Variants in TCEA3 observed in about 807,000 individuals in gnomAD.
The protein encoded by TCEA3 is transcription elongation factor A3.
Under a neutral mutation model 44.0 loss-of-function variants are expected in TCEA3, and 36 were observed. The observed-to-expected ratio is 0.82, with a 90% CI of 0.63 to 1.08. TCEA3 has a LOEUF of 1.08. TCEA3 is among the 50% of genes least tolerant of loss of function. The pLI, the probability that TCEA3 is intolerant of heterozygous loss-of-function variation, is 0.00. For synonymous variants in TCEA3, 162 were observed against 159.7 expected, an observed-to-expected ratio of 1.01 and a Z score of -0.11; for missense variants, 392 against 441.2, an observed-to-expected ratio of 0.89 and a Z score of 1.00.
chr1:23,408,419 G>A, intron 5 of TCEA3: 1 of 429,746 alleles, frequency 2.3e-6, no homozygotes, highest in Non-Finnish European at 4.2e-6. Context: ...ATGGATGAAT[G>A]AATAAATGAA....
At position 23,417,229 on chromosome 1, in the gene TCEA3, TCCATC is replaced by T. The variant is rs753124425; in HGVS notation, c.380+15_380+19del. 1.9e-5 allele frequency: 31 copies of T among 1,611,484 alleles called. No individual in the cohort carries two copies. The highest frequency in any genetic ancestry group is 2.5e-5 in the Non-Finnish European group (30 of 1,179,236). On this transcript the variant is annotated intron_variant, in intron 4 of 10. Coordinates refer to ENST00000450454, the MANE Select transcript of TCEA3 (RefSeq NM_003196.3). ...CGTGACAAGTGTCAGCTCCCTTCTCTCCATCCCAAAAAAGAATACCTGGTTTTGGG... is the reference window on the plus strand; with the variant it reads ...CGTGACAAGTGTCAGCTCCCTTCTCTCCAAAAAAGAATACCTGGTTTTGGG...
chr1:23,388,905 T>C, intron 8 of TCEA3, among the ~76,000 whole-genome samples: 1 of 152,062 alleles, frequency 6.6e-6, no homozygotes, highest in East Asian at 1.9e-4. Context: ...CCTAGGCTGG[T>C]CTCCTGAGCT....
intron 1 of TCEA3, among the ~76,000 whole-genome samples, chr1:23,422,138 A>G (rs1008122908): frequency 1.6e-4 from 25 of 152,196 alleles, no homozygotes; most frequent in African/African-American, 5.8e-4. Flanking sequence ...ATCTGAATGT[A>G]TAAATGTGGC....
At chr1:23,420,113 T>C (rs1230797823) in intron 1 of TCEA3, among the ~76,000 whole-genome samples, 3 of 152,224 alleles carry the variant, frequency 2.0e-5, no homozygotes, top group African/African-American at 7.2e-5. Flanking sequence ...GTAAAGAGTA[T>C]GTAGGGCAAA....
chr1:23,412,663 G>A (rs1297739405), intron 4 of TCEA3, among the ~76,000 whole-genome samples: 6 of 151,696 alleles, frequency 4.0e-5, no homozygotes, highest in African/African-American at 7.3e-5. Context: ...AGCTGAGATC[G>A]TGCCATTGCA....
intron 8 of TCEA3, among the ~76,000 whole-genome samples, chr1:23,389,378 A>G (rs900322793): frequency 1.3e-5 from 2 of 151,972 alleles, no homozygotes; most frequent in African/African-American, 4.8e-5. Flanking sequence ...AATCCCAGCT[A>G]CTTGGAAGGC....
intron 9 of TCEA3, among the ~76,000 whole-genome samples, chr1:23,385,097 C>T (rs1254998782): frequency 2.6e-5 from 4 of 152,318 alleles, no homozygotes; most frequent in Non-Finnish European, 5.9e-5. Flanking sequence ...TTCTCATCCT[C>T]TTAGCCTCAT....
At chr1:23,399,164 A>ATATAT (rs1553167323) in intron 5 of TCEA3, among the ~76,000 whole-genome samples, 4 of 127,580 alleles carry the variant, frequency 3.1e-5, no homozygotes, top group African/African-American at 1.2e-4. Flanking sequence ...ATATATATAT[A>ATATAT]TATATATATA....
intron 5 of TCEA3, among the ~76,000 whole-genome samples, chr1:23,400,426 C>T (rs1346161587): frequency 6.9e-6 from 1 of 143,978 alleles, no homozygotes; most frequent in East Asian, 2.1e-4. Flanking sequence ...TCAGGCTGGA[C>T]TCAAACTCCT....
intron 4 of TCEA3, 52 bp downstream of exon 4, chr1:23,417,197 C>A: frequency 6.3e-7 from 1 of 1,590,502 alleles, no homozygotes; most frequent in South Asian, 1.1e-5. Flanking sequence ...GAGTTGCTGT[C>A]AGAGGACGTG....
At position 23,384,824 on chromosome 1, in the gene TCEA3, G is replaced by A. The variant is rs557058999; in HGVS notation, c.967-407C>T. 1.1e-4 allele frequency among the ~76,000 whole-genome samples: 17 copies of A among 151,898 alleles called. No individual in the cohort carries two copies. The South Asian group carries it at 3.3e-3, about 30-fold the overall frequency. On this transcript the variant is annotated intron_variant, in intron 9 of 10. Coordinates refer to ENST00000450454, the MANE Select transcript of TCEA3 (RefSeq NM_003196.3). ...TGGGATTACAGGCGCCCGCCACCAC[G>A]CCCGGCTAATTTGGACTTTCACTCT...
chr1:23,417,517 C>G, intron 3 of TCEA3, 127 bp from the exon 4 acceptor site: 1 of 1,390,072 alleles, frequency 7.2e-7, no homozygotes, highest in Non-Finnish European at 9.6e-7. Flanking sequence ...AACACACACA[C>G]AAACACATTT....
At chr1:23,420,677 G>A (rs769626516) in intron 1 of TCEA3, among the ~76,000 whole-genome samples, 2 of 152,114 alleles carry the variant, frequency 1.3e-5, no homozygotes, top group African/African-American at 2.4e-5. Context: ...AACTTCTCTC[G>A]GGTAAAGAGA....
rs1183089616 is a variant in TCEA3 at position 23,417,945 on chromosome 1, G to C, written c.197C>G (p.Ser66Cys). 4 of 1,613,930 alleles carry C rather than the reference G, an allele frequency of 2.5e-6. No homozygotes were observed. Among genetic ancestry groups the C allele is most frequent in the Non-Finnish European group, 3.4e-6 (4 of 1,179,906 alleles). ...RKHCSDKEVV[S>C]LAKVLIKNWK... ...GTTTTTGATAAGGACTTTGGCCAAG[G>C]ACACCACCTCCTTGTCTGAGCAGTG... Residue 66 changes from serine to cysteine, a missense_variant, in exon 3 of 11, where the codon TCC becomes TGC. Physicochemically the swap from Ser to Cys is moderately radical, Grantham distance 112 (BLOSUM62 -1). Transcript: ENST00000450454.
chr1:23,414,245 C>T (rs1482961662), intron 4 of TCEA3, among the ~76,000 whole-genome samples: 5 of 152,110 alleles, frequency 3.3e-5, no homozygotes, highest in African/African-American at 7.2e-5. Context: ...GCATGTACCA[C>T]CATGCCCAGC....
At chr1:23,396,615 T>C (rs886246589) in intron 7 of TCEA3, among the ~76,000 whole-genome samples, 2 of 152,130 alleles carry the variant, frequency 1.3e-5, no homozygotes, top group Admixed American at 1.3e-4. Context: ...ATGGGAACAG[T>C]CCCTGCCTCA....
At position 23,382,997 on chromosome 1, in the gene TCEA3, A is replaced by T. The variant is rs574510130; in HGVS notation, c.1038+1349T>A. ...GGTCCTTAGTAAGAAAAATAATTAG[A>T]GGCCGGGCGCGGCGGCTCACGCCTG... On this transcript the variant is annotated intron_variant, in intron 10 of 10. Coordinates refer to ENST00000450454, the MANE Select transcript of TCEA3 (RefSeq NM_003196.3). 9.4e-4 allele frequency among the ~76,000 whole-genome samples: 143 copies of T among 152,328 alleles called. 1 individual carries two copies. The highest frequency in any genetic ancestry group is 3.1e-3 in the African/African-American group (128 of 41,572).
At chr1:23,395,632 C>A (rs946591191) in intron 7 of TCEA3, among the ~76,000 whole-genome samples, 5 of 152,036 alleles carry the variant, frequency 3.3e-5, no homozygotes, top group Admixed American at 1.3e-4. Context: ...TCAAGACCAG[C>A]CTGGCCAACA....
chr1:23,389,531 T>C (rs1638958930), intron 8 of TCEA3, among the ~76,000 whole-genome samples: 1 of 148,900 alleles, frequency 6.7e-6, no homozygotes, highest in Non-Finnish European at 1.5e-5. Flanking sequence ...ATGCCTGTAA[T>C]CTCAGCTATT....
Sources: allele counts gnomAD v4.1 joint callset (sites outside exome capture counted in the v4.1 genomes callset), GRCh38; gene constraint gnomAD v4.1.1; transcripts MANE v1.5; gene names NCBI Gene and HGNC (gene_info 2026-07-23, HGNC 2026-07-21).